USP15: variants seen among roughly 807,000 people sequenced by gnomAD.
USP15 encodes the protein ubiquitin carboxyl-terminal hydrolase 15.
USP15 carries 18 observed loss-of-function variants against 127.1 expected under a neutral mutation model. The observed-to-expected ratio is 0.14, with a 90% confidence interval of 0.10 to 0.21. The LOEUF (loss-of-function observed/expected upper bound fraction) is 0.21. USP15 is among the 10% of genes least tolerant of loss of function. USP15 has a pLI of 1.00. For missense variants in USP15, 805 were observed against 1,159.9 expected (o/e 0.69, Z 4.44); for synonymous variants, 364 against 393.7 (o/e 0.92, Z 0.89).
intron 19 of USP15, among the ~76,000 whole-genome samples, chr12:62,395,797 C>T (rs1233884631): frequency 6.6e-6 from 1 of 151,570 alleles, no homozygotes; most frequent in African/African-American, 2.4e-5. Context: ...ATCTCCAGTT[C>T]CATCCATGTT....
chr12:62,379,881 A>G (rs969966832), intron 8 of USP15, among the ~76,000 whole-genome samples: 6 of 152,204 alleles, frequency 3.9e-5, no homozygotes, highest in Non-Finnish European at 8.8e-5. Context: ...TTAAAAGGAC[A>G]TATAATACAA....
chr12:62,404,043 A>C (rs1037992539), intron 21 of USP15, 150 bp from the exon 22 acceptor site: 3 of 974,052 alleles, frequency 3.1e-6, no homozygotes, highest in Admixed American at 3.3e-5. Context: ...CTTATATTTA[A>C]TGAATTTTAG....
rs1358479999 is a variant in USP15, at chr12:62,404,179, C to CT, written c.2764-11dup. ...TGAGAATCATAACTGTTTTAACATCCTTTGTTTTGACAGTCCAAAGCAGCA... is the reference window on the plus strand; with the variant it reads ...TGAGAATCATAACTGTTTTAACATCCTTTTGTTTTGACAGTCCAAAGCAGCA... On this transcript the variant is annotated splice_polypyrimidine_tract_variant and intron_variant, in intron 21 of 21. Transcript: ENST00000280377. 3.8e-6 allele frequency: 6 copies of CT among 1,582,994 alleles called. No homozygotes were observed. The highest frequency in any genetic ancestry group is 5.1e-6 in the Non-Finnish European group (6 of 1,165,928).
In USP15 at chr12:62,336,345, C is replaced by T. The variant is rs140571928; in HGVS notation, c.683+10412C>T. ...CCCCTCCTTCTCCCATCCCCTCAAC[C>T]TAAACTGTCTTCATTTCCTGTATTG... On this transcript the variant is annotated intron_variant, in intron 6 of 21. Coordinates refer to ENST00000280377, the MANE Select transcript of USP15 (RefSeq NM_001252078.2). 8.1e-6 allele frequency: 8 copies of T among 985,372 alleles called. No homozygotes were observed. The African/African-American group carries it at 1.4e-4, about 17-fold the overall frequency. 61.0% of individuals were successfully genotyped at this position (985,372 alleles called of 1,614,324 possible).
intron 3 of USP15, chr12:62,314,053 T>G: frequency 2.3e-6 from 2 of 879,250 alleles, no homozygotes; most frequent in Non-Finnish European, 2.7e-6. Flanking sequence ...GAATTATACT[T>G]ATTTAAAAGG....
chr12:62,295,644 A>G (rs536048434), intron 2 of USP15, among the ~76,000 whole-genome samples: 21 of 152,346 alleles, frequency 1.4e-4, no homozygotes, highest in Non-Finnish European at 1.9e-4. Context: ...AAAAGTTGCT[A>G]GATTGAAACC....
At chr12:62,350,348 G>A (rs781718305) in intron 7 of USP15, among the ~76,000 whole-genome samples, 11 of 152,024 alleles carry the variant, frequency 7.2e-5, no homozygotes, top group Non-Finnish European at 1.5e-4. Context: ...TGTATAAAAA[G>A]AATTTAATAT....
At chr12:62,281,555 TC>T (rs1467110746) in intron 1 of USP15, among the ~76,000 whole-genome samples, 1 of 152,138 alleles carries the variant, frequency 6.6e-6, no homozygotes, top group Non-Finnish European at 1.5e-5. Context: ...GCCAGGCTGG[TC>T]TTGAACTCCT....
chr12:62,307,623 A>G (rs1051012905), intron 3 of USP15, among the ~76,000 whole-genome samples: 1 of 152,132 alleles, frequency 6.6e-6, no homozygotes, highest in Non-Finnish European at 1.5e-5. Context: ...TGGTCCAAAA[A>G]TATTAAGTGG....
chr12:62,355,699 A>G (rs1279220970), intron 8 of USP15, among the ~76,000 whole-genome samples: 1 of 151,844 alleles, frequency 6.6e-6, no homozygotes, highest in African/African-American at 2.4e-5. Context: ...GTACAAGATT[A>G]TATATCACTT....
In USP15 at chr12:62,409,447, A is replaced by G. The variant is rs1252803190; in HGVS notation, c.*5072A>G. On this transcript the variant is annotated 3_prime_UTR_variant, in exon 22 of 22. Transcript: ENST00000280377. ...ATCTCTCTGGAATTGAAAATGTGTA[A>G]AATAAGACCACACACTTTCAATATG... The G allele has an allele frequency of 6.6e-6, 1 of 152,184 alleles. No homozygotes were observed. The highest frequency in any genetic ancestry group is 2.4e-5 in the African/African-American group (1 of 41,452). The allele number at this position is 152,184 out of a possible 1,614,324, so 9.4% of individuals were successfully genotyped here.
rs1592732407 is a variant in USP15 at position 62,396,460 on chromosome 12, C to A, written c.2674+62C>A. On this transcript the variant is annotated intron_variant, in intron 20 of 21. Transcript: ENST00000280377. ...TGTTTGAAGAACTCCAGACTTTTTT[C>A]TTTAAGATATTTATTACTTCTTAAG... 6.6e-6 allele frequency: 9 copies of A among 1,367,040 alleles called. No individual in the cohort carries two copies. In the African/African-American group the frequency reaches 7.2e-5, roughly 11 times the overall value. The allele number at this position is 1,367,040 out of a possible 1,614,324, so 84.7% of individuals were successfully genotyped here.
intron 8 of USP15, among the ~76,000 whole-genome samples, chr12:62,375,548 G>A (rs1307440623): frequency 2.0e-5 from 3 of 152,114 alleles, no homozygotes; most frequent in Non-Finnish European, 4.4e-5. Flanking sequence ...AACGGAGTTC[G>A]AGGTATCAAG....
intron 6 of USP15, among the ~76,000 whole-genome samples, chr12:62,326,329 TA>T (rs2065121389): frequency 1.3e-5 from 2 of 152,172 alleles, no homozygotes; most frequent in African/African-American, 4.8e-5. Context: ...AGTTTTAGAA[TA>T]AAAAAGAACA....
intron 1 of USP15, among the ~76,000 whole-genome samples, chr12:62,276,855 A>G (rs966078520): frequency 6.6e-5 from 10 of 152,174 alleles, no homozygotes; most frequent in Non-Finnish European, 1.2e-4. Flanking sequence ...GAATTTTTTC[A>G]GAAATAAAAA....
Position 62,260,510 on chromosome 12 carries a change from G to T in USP15, c.89+7G>T. The T allele has an allele frequency of 6.4e-7, 1 of 1,550,864 alleles. No individual in the cohort carries two copies. The highest frequency in any genetic ancestry group is 8.7e-7 in the Non-Finnish European group (1 of 1,146,882). On this transcript the variant is annotated splice_region_variant and intron_variant, in intron 1 of 21. Transcript: ENST00000280377. The stretch of plus-strand genomic sequence containing the variant: ...TCCGGAAAGGGGACACCTGGTAAGA[G>T]AAAGGGGTTGAGATGCCCGCGGTTG...
At chr12:62,354,101 G>A (rs185502006) in intron 7 of USP15, among the ~76,000 whole-genome samples, 14 of 151,486 alleles carry the variant, frequency 9.2e-5, no homozygotes, top group African/African-American at 3.4e-4. Context: ...GTTTGGTTTT[G>A]TGTGTTTTCT....
At chr12:62,310,637 GCA>G (rs139161542) in intron 3 of USP15, among the ~76,000 whole-genome samples, 3,326 of 151,910 alleles carry the variant, frequency 0.022, 122 homozygotes, top group African/African-American at 0.075. Context: ...CCATTGATGA[GCA>G]CCTAGGTTGG....
intron 5 of USP15, among the ~76,000 whole-genome samples, chr12:62,322,095 C>T (rs1274611460): frequency 6.6e-6 from 1 of 152,114 alleles, no homozygotes; most frequent in African/African-American, 2.4e-5. Flanking sequence ...AGTTTGCCAG[C>T]CCTTGTTGAA....
Sources: gnomAD v4.1 joint callset for allele counts (sites outside exome capture counted in the v4.1 genomes callset) on GRCh38, gnomAD v4.1.1 for gene constraint, MANE v1.5 for transcripts, NCBI Gene and HGNC (gene_info 2026-07-23, HGNC 2026-07-21) for gene names.